The following ANXA11 variants were observed in gnomAD, a reference collection of about 807,000 sequenced individuals.
ANXA11 encodes the protein 56 kDa autoantigen.
Under a neutral mutation model 64.7 loss-of-function variants are expected in ANXA11, and 57 were observed. The observed-to-expected ratio is 0.88, with a 90% CI of 0.71 to 1.10. ANXA11 has a LOEUF of 1.10. ANXA11 is among the 50% of genes least tolerant of loss of function. The pLI, the probability that ANXA11 is intolerant of heterozygous loss-of-function variation, is 0.00. For synonymous variants in ANXA11, 260 were observed against 265.2 expected (o/e 0.98, Z 0.19); for missense variants, 675 against 670.7 (o/e 1.01, Z -0.07).
At chr10:80,160,948 A>G (rs974160276) in intron 12 of ANXA11, among the ~76,000 whole-genome samples, 1 of 151,882 alleles carries the variant, frequency 6.6e-6, no homozygotes, top group Non-Finnish European at 1.5e-5. Context: ...ATCAGCAAAC[A>G]TGGCCGGAAC....
intron 1 of ANXA11, among the ~76,000 whole-genome samples, chr10:80,176,981 C>CTTTTTT (rs10699670): frequency 7.1e-6 from 1 of 140,222 alleles, no homozygotes. Context: ...CTGCTCCCCA[C>CTTTTTT]TTTTTTTTTT....
At chr10:80,196,608 G>A (rs1166229489) in intron 1 of ANXA11, among the ~76,000 whole-genome samples, 1 of 152,124 alleles carries the variant, frequency 6.6e-6, no homozygotes, top group Non-Finnish European at 1.5e-5. Context: ...AAGGGGGTGG[G>A]GGCCCTGGGC....
intron 3 of ANXA11, 140 bp downstream of exon 3, chr10:80,172,667 C>T: frequency 2.4e-6 from 2 of 840,578 alleles, no homozygotes; most frequent in Non-Finnish European, 3.9e-6. Context: ...TGTCCCACTA[C>T]TCCTGTTGTC....
At chr10:80,177,315 G>A (rs774672936) in intron 1 of ANXA11, among the ~76,000 whole-genome samples, 3 of 151,994 alleles carry the variant, frequency 2.0e-5, no homozygotes, top group Non-Finnish European at 4.4e-5. Context: ...AGGACCAAAC[G>A]CCCCAGGTAT....
intron 1 of ANXA11, among the ~76,000 whole-genome samples, chr10:80,198,564 G>T (rs1840273394): frequency 6.6e-6 from 1 of 152,214 alleles, no homozygotes; most frequent in Non-Finnish European, 1.5e-5. Context: ...ATGATTCAGG[G>T]TGCAGTCCAA....
intron 3 of ANXA11, chr10:80,171,242 G>A: frequency 8.4e-7 from 1 of 1,196,684 alleles, no homozygotes; most frequent in Non-Finnish European, 1.0e-6. Flanking sequence ...CAGGAGGACA[G>A]ACAAGGACAG....
intron 8 of ANXA11, among the ~76,000 whole-genome samples, chr10:80,165,364 A>G: frequency 6.6e-6 from 1 of 152,198 alleles, no homozygotes. Context: ...CAGGGTGCAC[A>G]CAGAGCTGTG....
intron 15 of ANXA11, chr10:80,156,453 T>C: frequency 2.1e-6 from 1 of 471,942 alleles, no homozygotes; most frequent in Non-Finnish European, 4.4e-6. Context: ...GCAAGGCATG[T>C]GGCTTCTTCC....
chr10:80,176,199 T>C (rs1846162581), intron 1 of ANXA11, 44 bp from the exon 2 acceptor site: 1 of 152,266 alleles, frequency 6.6e-6, no homozygotes, highest in Admixed American at 6.5e-5. Flanking sequence ...TACAGCCTTA[T>C]CTGCAACAAC....
chr10:80,182,957 G>A (rs1007769099), intron 1 of ANXA11, among the ~76,000 whole-genome samples: 3 of 151,856 alleles, frequency 2.0e-5, no homozygotes, highest in Admixed American at 6.6e-5. Flanking sequence ...TCAGTGTGGG[G>A]AAAAAAAACA....
chr10:80,194,284 G>A (rs1227151443), intron 1 of ANXA11, among the ~76,000 whole-genome samples: 4 of 152,122 alleles, frequency 2.6e-5, no homozygotes, highest in East Asian at 1.9e-4. Flanking sequence ...CCCCTCCCAC[G>A]GCCCCTCACT....
At chr10:80,198,125 CT>C (rs1331433554) in intron 1 of ANXA11, among the ~76,000 whole-genome samples, 1 of 152,242 alleles carries the variant, frequency 6.6e-6, no homozygotes, top group African/African-American at 2.4e-5. Context: ...GGAACAGAAG[CT>C]GCCTTGCTTG....
chr10:80,164,160 T>A lies in ANXA11; in HGVS notation c.859-17A>T, dbSNP rs574166480. ...GCCAACCCCCTGCAGGGGCAGAGAA[T>A]ACAACCAACCATGTGCTTGTTCCAG... On this transcript the variant is annotated splice_polypyrimidine_tract_variant and intron_variant, in intron 8 of 15. Coordinates refer to ENST00000422982, the MANE Select transcript of ANXA11 (RefSeq NM_145868.2). 1 of 1,606,302 alleles carries A rather than the reference T, an allele frequency of 6.2e-7. No homozygotes were observed. The highest frequency in any genetic ancestry group is 8.5e-7 in the Non-Finnish European group (1 of 1,173,220).
At chr10:80,159,041 TG>T in intron 13 of ANXA11, 58 bp downstream of exon 13, 1 of 1,330,906 alleles carries the variant, frequency 7.5e-7, no homozygotes, top group Non-Finnish European at 1.1e-6. Flanking sequence ...GCGAGCAGCC[TG>T]AACACTCACG....
rs573326665 is a variant in ANXA11, at chr10:80,204,418, TGGGCA to T, written c.-58+920_-58+924del. ...CCCTGCAAACCTAGTCCCTGTTGCG[TGGGCA>T]GGGCAGGGCAGGGCAGGGCAGGGGC... On this transcript the variant is annotated intron_variant, in intron 1 of 15. Transcript: ENST00000422982. 3.7e-3 allele frequency among the ~76,000 whole-genome samples: 560 copies of T among 151,592 alleles called. 2 individuals carry two copies. The highest frequency in any genetic ancestry group is 8.1e-3 in the South Asian group (39 of 4,820).
chr10:80,159,665 C>T (rs559060904), intron 12 of ANXA11, among the ~76,000 whole-genome samples: 1 of 152,344 alleles, frequency 6.6e-6, no homozygotes, highest in African/African-American at 2.4e-5. Flanking sequence ...CCCTGCACGT[C>T]CCCAGGCCTG....
chr10:80,166,062 A>G, intron 8 of ANXA11, 22 bp downstream of exon 8: 2 of 1,320,130 alleles, frequency 1.5e-6, no homozygotes, highest in African/African-American at 1.5e-5. Flanking sequence ...ACACACACAC[A>G]CACACACACA....
intron 1 of ANXA11, among the ~76,000 whole-genome samples, chr10:80,190,068 T>C (rs553954228): frequency 6.6e-6 from 1 of 152,334 alleles, no homozygotes; most frequent in South Asian, 2.1e-4. Context: ...AGGAGTCAAA[T>C]TCCTAAGGAC....
In ANXA11 at chr10:80,153,551, G is replaced by A. The variant is rs1845192843; in HGVS notation, c.*2302C>T. On this transcript the variant is annotated 3_prime_UTR_variant, in exon 16 of 16. Coordinates refer to ENST00000422982, the MANE Select transcript of ANXA11 (RefSeq NM_145868.2). ...TTCTAGGCCCCATCACAATTCAGGA[G>A]GCCCCCAGGGTCACCTTGAGTTCAT... 1 of 152,262 alleles carries A rather than the reference G, an allele frequency of 6.6e-6. No homozygotes were observed. Among genetic ancestry groups the A allele is most frequent in the African/African-American group, 2.4e-5 (1 of 41,456 alleles). 9.4% of individuals were successfully genotyped at this position (152,262 alleles called of 1,614,324 possible).
Sources: gnomAD v4.1 joint callset for allele counts (sites outside exome capture counted in the v4.1 genomes callset) on GRCh38, gnomAD v4.1.1 for gene constraint, MANE v1.5 for transcripts, NCBI Gene and HGNC (gene_info 2026-07-23, HGNC 2026-07-21) for gene names.